The following FHIT variants were observed in gnomAD, a reference collection of about 807,000 sequenced individuals.
FHIT encodes bis(5'-adenosyl)-triphosphatase.
FHIT carries 19 observed loss-of-function variants against 17.9 expected under a neutral mutation model. That is an observed-to-expected ratio of 1.06 (90% CI 0.74 to 1.56). FHIT has a LOEUF of 1.56. FHIT is among the 40% of genes most tolerant of loss of function. FHIT has a pLI of 0.00. For synonymous variants in FHIT, 81 were observed against 69.7 expected (o/e 1.16, Z -0.81); for missense variants, 248 against 189.2 (o/e 1.31, Z -1.82).
chr3:60,486,274 T>G (rs919806876), intron 5 of FHIT, among the ~76,000 whole-genome samples: 1 of 152,164 alleles, frequency 6.6e-6, no homozygotes. Context: ...TTTGTTTTTG[T>G]TTTTTAATTA....
At chr3:60,118,191 C>T (rs1705067361) in intron 5 of FHIT, among the ~76,000 whole-genome samples, 1 of 152,074 alleles carries the variant, frequency 6.6e-6, no homozygotes, top group South Asian at 2.1e-4. Context: ...ACCGTAGCCT[C>T]CAGTTTCTGG....
chr3:59,820,984 G>A (rs1700766867), intron 8 of FHIT, among the ~76,000 whole-genome samples: 2 of 152,196 alleles, frequency 1.3e-5, no homozygotes, highest in Admixed American at 1.3e-4. Flanking sequence ...ATGTTTATGG[G>A]AAGGTGAGTA....
chr3:61,002,107 A>G (rs1458437440), intron 3 of FHIT, among the ~76,000 whole-genome samples: 1 of 152,226 alleles, frequency 6.6e-6, no homozygotes, highest in African/African-American at 2.4e-5. Flanking sequence ...GGTAATTAAC[A>G]TATCTATCAT....
In FHIT at chr3:60,363,841, T is replaced by C. The variant is rs370492327; in HGVS notation, c.103+173019A>G. On this transcript the variant is annotated intron_variant, in intron 5 of 9. Coordinates refer to ENST00000492590, the MANE Select transcript of FHIT (RefSeq NM_002012.4). ...GGAGGGAAGAACAGTTCAGGATATT[T>C]ATTCCTCTTGGTCCTTCCTGGAAGG... Among the ~76,000 whole-genome samples the C allele has an allele frequency of 1.1e-4, 16 of 152,280 alleles. 1 individual carries two copies. In the South Asian group the frequency reaches 1.2e-3, roughly 12 times the overall value.
chr3:59,970,233 T>C (rs757733706), intron 7 of FHIT, among the ~76,000 whole-genome samples: 1 of 152,158 alleles, frequency 6.6e-6, no homozygotes, highest in African/African-American at 2.4e-5. Flanking sequence ...TAAAAGAATT[T>C]AGGTCTTTAA....
intron 5 of FHIT, among the ~76,000 whole-genome samples, chr3:60,110,132 G>A (rs749211757): frequency 2.4e-4 from 37 of 152,102 alleles, no homozygotes; most frequent in African/African-American, 6.0e-4. Flanking sequence ...TATTCCCAGC[G>A]TCCTCTCATA....
At chr3:60,993,764 CA>C (rs1362444322) in intron 3 of FHIT, among the ~76,000 whole-genome samples, 4 of 152,128 alleles carry the variant, frequency 2.6e-5, no homozygotes, top group Admixed American at 2.0e-4. Context: ...TTGCACATCT[CA>C]AGGCTCATAA....
At chr3:61,211,087 G>A (rs1261848356) in intron 1 of FHIT, among the ~76,000 whole-genome samples, 2 of 151,934 alleles carry the variant, frequency 1.3e-5, no homozygotes, top group East Asian at 4.0e-4. Flanking sequence ...GCAGAAGAAG[G>A]GTGATTTCTG....
chr3:60,454,361 A>T (rs991780713), intron 5 of FHIT, among the ~76,000 whole-genome samples: 2 of 151,992 alleles, frequency 1.3e-5, no homozygotes, highest in African/African-American at 2.4e-5. Flanking sequence ...CACAGCACCA[A>T]AAGTCATTAT....
intron 5 of FHIT, among the ~76,000 whole-genome samples, chr3:60,155,735 C>T (rs1009215862): frequency 6.6e-6 from 1 of 152,176 alleles, no homozygotes; most frequent in Non-Finnish European, 1.5e-5. Context: ...ACCACGTTGA[C>T]TCCATGCGTT....
intron 5 of FHIT, among the ~76,000 whole-genome samples, chr3:60,384,261 C>G (rs543852978): frequency 2.2e-5 from 3 of 136,576 alleles, no homozygotes; most frequent in Non-Finnish European, 4.7e-5. Flanking sequence ...ACCAAGACTC[C>G]GTCTTAAAAA....
At chr3:60,431,916 T>A (rs745602066) in intron 5 of FHIT, among the ~76,000 whole-genome samples, 7 of 152,054 alleles carry the variant, frequency 4.6e-5, no homozygotes, top group Non-Finnish European at 1.0e-4. Context: ...GCAAATACAC[T>A]ATTCCTCTGC....
intron 5 of FHIT, among the ~76,000 whole-genome samples, chr3:60,515,044 A>G (rs2035098843): frequency 1.3e-5 from 2 of 151,970 alleles, no homozygotes; most frequent in South Asian, 2.1e-4. Context: ...TCCGACAGAC[A>G]AGGTGAGGCA....
intron 2 of FHIT, among the ~76,000 whole-genome samples, chr3:61,071,277 C>T (rs1002998571): frequency 6.6e-6 from 1 of 152,164 alleles, no homozygotes. Flanking sequence ...AGAGTCCAAA[C>T]ACTCTCACAC....
At chr3:60,655,518 A>G (rs1462183145) in intron 4 of FHIT, among the ~76,000 whole-genome samples, 19 of 152,202 alleles carry the variant, frequency 1.2e-4, no homozygotes, top group African/African-American at 3.9e-4. Context: ...GAAATGAGAC[A>G]CATCATTTTA....
At chr3:60,945,375 G>A (rs1203847486) in intron 3 of FHIT, among the ~76,000 whole-genome samples, 2 of 151,638 alleles carry the variant, frequency 1.3e-5, no homozygotes, top group African/African-American at 4.8e-5. Flanking sequence ...TAATTCTAAG[G>A]ATGATGGGGA....
intron 5 of FHIT, among the ~76,000 whole-genome samples, chr3:60,465,989 T>A (rs1351247285): frequency 6.6e-6 from 1 of 152,104 alleles, no homozygotes; most frequent in Non-Finnish European, 1.5e-5. Context: ...AATGGGCATT[T>A]TAACAGTATT....
intron 8 of FHIT, among the ~76,000 whole-genome samples, chr3:59,831,995 G>C (rs2629886): frequency 0.98 from 149,741 of 152,170 alleles, 73,727 homozygotes; most frequent in East Asian, 1. Flanking sequence ...TTCCCCTAAG[G>C]AGCTGGGTAG....
chr3:60,324,589 A>G lies in FHIT; in HGVS notation c.103+212271T>C, dbSNP rs1709596412. ...ACTCCATCAGAAAAAAAAAAAAAAGAATTCCAGTTACTAGCAACTGACAAT... is the reference window on the plus strand; with the variant it reads ...ACTCCATCAGAAAAAAAAAAAAAAGGATTCCAGTTACTAGCAACTGACAAT... On this transcript the variant is annotated intron_variant, in intron 5 of 9. Coordinates refer to ENST00000492590, the MANE Select transcript of FHIT (RefSeq NM_002012.4). 2.0e-5 allele frequency among the ~76,000 whole-genome samples: 3 copies of G among 151,922 alleles called. 1 individual carries two copies. Among genetic ancestry groups the G allele is most frequent in the Admixed American group, 6.6e-5 (1 of 15,248 alleles).
Sources: allele counts gnomAD v4.1 joint callset (sites outside exome capture counted in the v4.1 genomes callset), GRCh38; gene constraint gnomAD v4.1.1; transcripts MANE v1.5; gene names NCBI Gene and HGNC (gene_info 2026-07-23, HGNC 2026-07-21).